Variants in CDH19 observed in about 807,000 individuals in gnomAD.
CDH19 encodes the protein cadherin 19, also known as cadherin-19.
CDH19 carries 67 observed loss-of-function variants against 64.2 expected under a neutral mutation model. The ratio of observed to expected loss-of-function variants is 1.04; its 90% CI spans 0.86 to 1.28. The LOEUF (loss-of-function observed/expected upper bound fraction) is 1.28. Ranked by LOEUF, CDH19 falls within the 50% of genes most tolerant of loss-of-function variation. CDH19 has a pLI of 0.00. For missense variants in CDH19, 1,030 were observed against 929.0 expected (o/e 1.11, Z -1.41); for synonymous variants, 346 against 319.3 (o/e 1.08, Z -0.89).
intron 2 of CDH19, 90 bp from the exon 3 acceptor site, chr18:66,568,800 T>G (rs1568202447): frequency 9.9e-7 from 1 of 1,005,354 alleles, no homozygotes; most frequent in East Asian, 2.5e-5. Context: ...TGTTAATTAT[T>G]CCCCAAGTTA....
intron 4 of CDH19, among the ~76,000 whole-genome samples, chr18:66,551,645 A>C (rs1890428319): frequency 6.6e-6 from 1 of 152,072 alleles, no homozygotes; most frequent in African/African-American, 2.4e-5. Context: ...TGTAAATTAT[A>C]ATACCAAATT....
At chr18:66,555,656 T>C (rs1987491279) in intron 3 of CDH19, among the ~76,000 whole-genome samples, 1 of 151,764 alleles carries the variant, frequency 6.6e-6, no homozygotes, top group Non-Finnish European at 1.5e-5. Context: ...CCAAAACTTA[T>C]TGAATAACCA....
chr18:66,587,082 AC>A (rs1300493556), intron 1 of CDH19, among the ~76,000 whole-genome samples: 36 of 152,210 alleles, frequency 2.4e-4, no homozygotes, highest in African/African-American at 8.4e-4. Context: ...TAGATCCATG[AC>A]CTTCTATTGC....
chr18:66,524,814 T>C (rs1170501359), intron 9 of CDH19, among the ~76,000 whole-genome samples: 1 of 152,002 alleles, frequency 6.6e-6, no homozygotes, highest in Non-Finnish European at 1.5e-5. Context: ...CATGTTTTAT[T>C]CTGCCCCAAT....
intron 1 of CDH19, among the ~76,000 whole-genome samples, chr18:66,592,547 C>A (rs1311007642): frequency 6.6e-6 from 1 of 151,566 alleles, no homozygotes; most frequent in Non-Finnish European, 1.5e-5. Flanking sequence ...TTCTTCCATT[C>A]TTTCCTTTCT....
At position 66,565,044 on chromosome 18, in the gene CDH19, AT is replaced by A. The variant is rs36007690; in HGVS notation, c.490+3371del. ...AAACTATTCTAATCACTTATTTAGC[AT>A]TTTTTTGTCCACCCATGTACTCACT... On this transcript the variant is annotated intron_variant, in intron 3 of 11. Coordinates refer to ENST00000262150, the MANE Select transcript of CDH19 (RefSeq NM_021153.4). Among the ~76,000 whole-genome samples the A allele has an allele frequency of 1.1e-4, 16 of 151,814 alleles. No individual in the cohort carries two copies. The East Asian group carries it at 2.7e-3, about 26-fold the overall frequency.
rs754707990 is a variant in CDH19 at position 66,568,669 on chromosome 18, G to C, written c.237C>G (p.Tyr79Ter). 4.3e-6 allele frequency: 7 copies of C among 1,610,240 alleles called. No individual in the cohort carries two copies. Among genetic ancestry groups the C allele is most frequent in the African/African-American group, 4.0e-5 (3 of 74,700 alleles). ...DLDNGNNSFQYKLLGAGAGST... is the reference protein window; with the variant it reads ...DLDNGNNSFQ ...TTCCAGCTCCAGCTCCCAAAAGCTT[G>C]TACTGGAAAGAATTGTTTCCATTGT... is the stretch of plus-strand genomic sequence containing the variant. Residue 79 changes from tyrosine to a stop codon, truncating the protein, a stop_gained, in exon 3 of 12, where the codon TAC becomes TAG. Transcript: ENST00000262150. LOFTEE classifies it high-confidence loss of function.
intron 11 of CDH19, among the ~76,000 whole-genome samples, chr18:66,507,065 A>C (rs1985237908): frequency 6.6e-6 from 1 of 151,896 alleles, no homozygotes; most frequent in Non-Finnish European, 1.5e-5. Flanking sequence ...TCACATTTGT[A>C]ATTACAAAGC....
At chr18:66,508,236 G>A (rs910222904) in intron 11 of CDH19, among the ~76,000 whole-genome samples, 13 of 151,862 alleles carry the variant, frequency 8.6e-5, no homozygotes, top group African/African-American at 3.1e-4. Flanking sequence ...GGTAGTAGCA[G>A]GATAGCAGGT....
At chr18:66,515,877 C>T (rs987464826) in intron 9 of CDH19, among the ~76,000 whole-genome samples, 1 of 151,806 alleles carries the variant, frequency 6.6e-6, no homozygotes, top group Non-Finnish European at 1.5e-5. Flanking sequence ...GCACTCCAAG[C>T]AATCCTATGC....
At chr18:66,508,947 A>C in intron 11 of CDH19, 48 bp downstream of exon 11, 1 of 1,581,706 alleles carries the variant, frequency 6.3e-7, no homozygotes, top group Non-Finnish European at 8.6e-7. Context: ...CCACCTACCA[A>C]ATATGATCAT....
At chr18:66,513,061 T>C (rs1196757052) in intron 9 of CDH19, among the ~76,000 whole-genome samples, 3 of 151,498 alleles carry the variant, frequency 2.0e-5, no homozygotes, top group Non-Finnish European at 4.4e-5. Flanking sequence ...GGCATATGGA[T>C]ATCTTTATAT....
chr18:66,528,968 GC>G (rs1009503728), intron 9 of CDH19, among the ~76,000 whole-genome samples: 7 of 151,860 alleles, frequency 4.6e-5, no homozygotes, highest in Non-Finnish European at 7.4e-5. Context: ...AAGAAAAACA[GC>G]TTATGGTATT....
chr18:66,575,203 C>CT (rs1226945386), intron 1 of CDH19, among the ~76,000 whole-genome samples: 2 of 151,724 alleles, frequency 1.3e-5, no homozygotes, highest in African/African-American at 4.8e-5. Context: ...AAAACTAAGT[C>CT]ATTTTTTATG....
At chr18:66,553,299 C>A (rs961663811) in intron 4 of CDH19, among the ~76,000 whole-genome samples, 1 of 134,078 alleles carries the variant, frequency 7.5e-6, no homozygotes, top group Admixed American at 7.2e-5. Context: ...TTCAGCCTTT[C>A]TAGACCTGAA....
intron 7 of CDH19, among the ~76,000 whole-genome samples, chr18:66,536,114 C>A (rs1174984326): frequency 6.7e-6 from 1 of 150,154 alleles, no homozygotes; most frequent in Admixed American, 6.6e-5. Flanking sequence ...TATGTGGAAA[C>A]AATTAATAAT....
chr18:66,567,614 T>C lies in CDH19; in HGVS notation c.490+802A>G, dbSNP rs1481061162. On this transcript the variant is annotated intron_variant, in intron 3 of 11. Transcript: ENST00000262150. ...GATGAAATATGTATTTTTGGAATCA[T>C]TGGCTAATGAATCAAGTAATGAGGT... Among the ~76,000 whole-genome samples, 6 of 152,016 alleles carry C rather than the reference T, an allele frequency of 3.9e-5. No homozygotes were observed. In the East Asian group the frequency reaches 7.7e-4, roughly 20 times the overall value.
intron 3 of CDH19, among the ~76,000 whole-genome samples, chr18:66,562,500 T>A (rs1987760338): frequency 6.6e-6 from 1 of 152,000 alleles, no homozygotes; most frequent in Admixed American, 6.6e-5. Context: ...CAAATGAGGC[T>A]TAGCTCTTTT....
rs1320127327 is a variant in CDH19 at position 66,529,887 on chromosome 18, T to G, written c.1416A>C (p.Gln472His). The G allele has an allele frequency of 6.3e-7, 1 of 1,594,520 alleles. No individual in the cohort carries two copies. Among genetic ancestry groups the G allele is most frequent in the Admixed American group, 1.7e-5 (1 of 58,984 alleles). ...NINDHAPEFS[Q>H]YYETYVCENA... ...TTTCACAAACATAAGTCTCATAGTATTGAGAGAACTCAGGAGCATGATCAT... is the reference window on the plus strand; with the variant it reads ...TTTCACAAACATAAGTCTCATAGTAGTGAGAGAACTCAGGAGCATGATCAT... Residue 472 changes from glutamine to histidine, a missense_variant, in exon 9 of 12, where the codon CAA (glutamine) becomes CAC (histidine). Gln to His is a conservative substitution (Grantham distance 24). Transcript: ENST00000262150.
Sources: allele counts gnomAD v4.1 joint callset (sites outside exome capture counted in the v4.1 genomes callset), GRCh38; gene constraint gnomAD v4.1.1; transcripts MANE v1.5; gene names NCBI Gene and HGNC (gene_info 2026-07-23, HGNC 2026-07-21).